The following ACOT13 variants were observed in gnomAD, a reference collection of about 807,000 sequenced individuals.
The protein encoded by ACOT13 is acyl-CoA thioesterase 13.
In ACOT13, 10 loss-of-function variants were observed where a neutral mutation model predicts 11.8. The observed-to-expected ratio is 0.85, with a 90% confidence interval of 0.53 to 1.44. The LOEUF is 1.44. ACOT13 is among the 40% of genes most tolerant of loss of function. ACOT13 has a pLI of 0.00. For missense variants in ACOT13, 172 were observed against 174.1 expected, an observed-to-expected ratio of 0.99 and a Z score of 0.07; for synonymous variants, 53 against 61.0, an observed-to-expected ratio of 0.87 and a Z score of 0.61.
intron 1 of ACOT13, among the ~76,000 whole-genome samples, chr6:24,681,831 T>A (rs1778557034): frequency 6.6e-6 from 1 of 152,066 alleles, no homozygotes; most frequent in Admixed American, 6.5e-5. Context: ...TCAGAGGAAG[T>A]AGATTCAAAG....
intron 2 of ACOT13, among the ~76,000 whole-genome samples, chr6:24,699,499 C>G (rs577368627): frequency 3.9e-5 from 6 of 152,182 alleles, no homozygotes; most frequent in Admixed American, 3.9e-4. Flanking sequence ...CGTGAGCCAC[C>G]GCGCCCAGCC....
chr6:24,696,246 T>G (rs565355396), intron 1 of ACOT13, among the ~76,000 whole-genome samples: 108 of 152,270 alleles, frequency 7.1e-4, no homozygotes, highest in Non-Finnish European at 1.2e-3. Context: ...ATAGGTGGTT[T>G]GTGAAACTCT....
intron 1 of ACOT13, among the ~76,000 whole-genome samples, chr6:24,675,620 C>T (rs1035150786): frequency 9.9e-5 from 15 of 152,196 alleles, no homozygotes; most frequent in Admixed American, 9.8e-4. Flanking sequence ...TTTGTAGATT[C>T]TGGATATTAG....
intron 1 of ACOT13, among the ~76,000 whole-genome samples, chr6:24,682,379 C>T (rs1454246336): frequency 6.6e-6 from 1 of 152,178 alleles, no homozygotes; most frequent in African/African-American, 2.4e-5. Context: ...AAGATGGTGG[C>T]AAGCCTCGTG....
At chr6:24,669,825 G>A (rs1778329298) in intron 1 of ACOT13, among the ~76,000 whole-genome samples, 1 of 152,156 alleles carries the variant, frequency 6.6e-6, no homozygotes, top group Admixed American at 6.5e-5. Context: ...TCAGTAGGCA[G>A]GTATGAAAGT....
At chr6:24,692,912 C>T (rs1367824109) in intron 1 of ACOT13, among the ~76,000 whole-genome samples, 1 of 152,208 alleles carries the variant, frequency 6.6e-6, no homozygotes, top group Non-Finnish European at 1.5e-5. Flanking sequence ...AGCAGAAATG[C>T]TGGACTGATA....
intron 1 of ACOT13, among the ~76,000 whole-genome samples, chr6:24,688,210 C>CA (rs911773727): frequency 6.6e-6 from 1 of 150,946 alleles, no homozygotes; most frequent in African/African-American, 2.4e-5. Context: ...GATCTATGCA[C>CA]AAAAAAATTT....
rs553489511 is a variant in ACOT13, at chr6:24,703,133, C to G, written c.*1518C>G. On this transcript the variant is annotated 3_prime_UTR_variant, in exon 3 of 3. Coordinates refer to ENST00000230048, the MANE Select transcript of ACOT13 (RefSeq NM_018473.4). ...CTCAAGCAATCCTCCTGCCTTGGCC[C>G]CCCAAGTACTGGACTTACAGGTGTG... The G allele has an allele frequency of 6.6e-6, 1 of 152,432 alleles. No homozygotes were observed. Among genetic ancestry groups the G allele is most frequent in the African/African-American group, 2.4e-5 (1 of 41,578 alleles). The allele number at this position is 152,432 out of a possible 1,614,324, so 9.4% of individuals were successfully genotyped here. A position where few individuals can be genotyped will look rare whatever the true frequency, so the allele number is the denominator to read the frequency against.
chr6:24,686,772 C>G (rs557130203), intron 1 of ACOT13, among the ~76,000 whole-genome samples: 2 of 151,964 alleles, frequency 1.3e-5, no homozygotes, highest in South Asian at 4.1e-4. Context: ...ACATTCACAG[C>G]TCACTGCAGC....
At chr6:24,677,252 T>C (rs1226388519) in intron 1 of ACOT13, among the ~76,000 whole-genome samples, 1 of 152,234 alleles carries the variant, frequency 6.6e-6, no homozygotes, top group African/African-American at 2.4e-5. Flanking sequence ...CTTCATTGTC[T>C]GGAAGAAATG....
chr6:24,686,847 G>C (rs987432190), intron 1 of ACOT13, among the ~76,000 whole-genome samples: 4 of 151,982 alleles, frequency 2.6e-5, no homozygotes, highest in Admixed American at 6.6e-5. Context: ...GACCACAGGG[G>C]CGTGCCACCA....
In ACOT13 at chr6:24,702,200, C is replaced by G. The variant is rs557188037; in HGVS notation, c.*585C>G. The G allele has an allele frequency of 6.6e-6, 1 of 152,580 alleles. No homozygotes were observed. Among genetic ancestry groups the G allele is most frequent in the Admixed American group, 6.5e-5 (1 of 15,290 alleles). The allele number at this position is 152,580 out of a possible 1,614,324, so 9.5% of individuals were successfully genotyped here. On this transcript the variant is annotated 3_prime_UTR_variant, in exon 3 of 3. Transcript: ENST00000230048. The stretch of plus-strand genomic sequence containing the variant: ...ATCTCGGCTCACTGCAATCTCTGCC[C>G]CCTGGGTTCAAGTGATTCTCCTGCC...
intron 1 of ACOT13, among the ~76,000 whole-genome samples, chr6:24,680,045 G>C (rs1227949442): frequency 6.6e-6 from 1 of 152,026 alleles, no homozygotes; most frequent in Non-Finnish European, 1.5e-5. Flanking sequence ...GTAAAAGGGG[G>C]GTCCCTTATT....
rs139647089 is a variant in ACOT13 at position 24,676,872 on chromosome 6, T to G, written c.81+9528T>G. Among the ~76,000 whole-genome samples, 9 of 152,316 alleles carry G rather than the reference T, an allele frequency of 5.9e-5. No homozygotes were observed. The East Asian group carries it at 1.7e-3, about 29-fold the overall frequency. On this transcript the variant is annotated intron_variant, in intron 1 of 2. Coordinates refer to ENST00000230048, the MANE Select transcript of ACOT13 (RefSeq NM_018473.4). ...TAATCTCCTAATGGCTTCCTGATGTTTGATAGGTGTTCCCTCGGAAGTTAG... is the reference window on the plus strand; with the variant it reads ...TAATCTCCTAATGGCTTCCTGATGTGTGATAGGTGTTCCCTCGGAAGTTAG...
At chr6:24,668,580 G>A (rs542925854) in intron 1 of ACOT13, among the ~76,000 whole-genome samples, 50 of 152,312 alleles carry the variant, frequency 3.3e-4, no homozygotes, top group Non-Finnish European at 6.8e-4. Flanking sequence ...TGGAGCAGCA[G>A]CTCAGGGGCC....
At chr6:24,678,602 G>A (rs554342242) in intron 1 of ACOT13, among the ~76,000 whole-genome samples, 55 of 152,282 alleles carry the variant, frequency 3.6e-4, no homozygotes, top group Non-Finnish European at 3.5e-4. Context: ...TTGCCCAGAC[G>A]TCAGGATTAA....
At position 24,701,442 on chromosome 6, in the gene ACOT13, A is replaced by G; in HGVS notation, c.267-17A>G. 6.3e-7 allele frequency: 1 copy of G among 1,596,020 alleles called. No homozygotes were observed. The highest frequency in any genetic ancestry group is 8.6e-7 in the Non-Finnish European group (1 of 1,169,080). On this transcript the variant is annotated splice_polypyrimidine_tract_variant and intron_variant, in intron 2 of 2. Transcript: ENST00000230048. ...TGAAAAATTATCTGCTGTTAACTATATTCATTTTCTTTCAAGGTACATGTC... is the reference window on the plus strand; with the variant it reads ...TGAAAAATTATCTGCTGTTAACTATGTTCATTTTCTTTCAAGGTACATGTC...
At chr6:24,682,121 G>A (rs551421886) in intron 1 of ACOT13, among the ~76,000 whole-genome samples, 5 of 152,318 alleles carry the variant, frequency 3.3e-5, no homozygotes, top group South Asian at 4.1e-4. Context: ...AAGCCCTTCC[G>A]CAGATAGCGT....
rs1467489134 is a variant in ACOT13 at position 24,704,989 on chromosome 6, T to C, written c.*3374T>C. The C allele has an allele frequency of 1.3e-5, 2 of 152,296 alleles. No homozygotes were observed. The highest frequency in any genetic ancestry group is 3.9e-4 in the East Asian group (2 of 5,192). The allele number at this position is 152,296 out of a possible 1,614,324, so 9.4% of individuals were successfully genotyped here. Reference sequence around the variant, plus strand: ...AATTGGAAACTGGTAAGCACTAGTTTTACTCCAAAGGAGTAGGATCATTCA... The same window carrying C: ...AATTGGAAACTGGTAAGCACTAGTTCTACTCCAAAGGAGTAGGATCATTCA... On this transcript the variant is annotated 3_prime_UTR_variant, in exon 3 of 3. Coordinates refer to ENST00000230048, the MANE Select transcript of ACOT13 (RefSeq NM_018473.4).
Sources: allele counts gnomAD v4.1 joint callset (sites outside exome capture counted in the v4.1 genomes callset), GRCh38; gene constraint gnomAD v4.1.1; transcripts MANE v1.5; gene names NCBI Gene and HGNC (gene_info 2026-07-23, HGNC 2026-07-21).